TCTN3: variants seen among roughly 807,000 people sequenced by gnomAD.
TCTN3 encodes the protein tectonic-3.
TCTN3 carries 57 observed loss-of-function variants against 71.3 expected under a neutral mutation model. The observed-to-expected ratio is 0.80, with a 90% confidence interval of 0.65 to 1.00. The LOEUF is 1.00. TCTN3 is among the 50% of genes least tolerant of loss of function. The pLI, the probability that TCTN3 is intolerant of heterozygous loss-of-function variation, is 0.00. For synonymous variants in TCTN3, 258 were observed against 267.8 expected (o/e 0.96, Z 0.36); for missense variants, 696 against 719.9 (o/e 0.97, Z 0.38).
In TCTN3 at chr10:95,683,117, A is replaced by G; in HGVS notation, c.1282T>C (p.Ser428Pro). ...AAGAACTACCTGAGCTTGCATCCAG[A>G]TATTGCATTCACTCCAAACTGCACT... ...HEVQFGVNAI[S>P]GCKLRLKKAD... is the part of the protein sequence containing the mutation. The change falls in exon 11 of 14, where the codon TCT (serine) becomes CCT (proline). Residue 428 changes from serine to proline, a missense_variant. By Grantham distance (74) the Ser-to-Pro change is moderately conservative. Transcript: ENST00000371217. 2 of 1,614,052 alleles carry G rather than the reference A, an allele frequency of 1.2e-6. No homozygotes were observed. The highest frequency in any genetic ancestry group is 2.2e-5 in the East Asian group (1 of 44,866).
chr10:95,665,120 G>C (rs936411474), intron 13 of TCTN3, among the ~76,000 whole-genome samples: 7 of 151,990 alleles, frequency 4.6e-5, no homozygotes, highest in Non-Finnish European at 1.0e-4. Flanking sequence ...TTGATTGTTT[G>C]TTTTTAGAGA....
intron 12 of TCTN3, 71 bp downstream of exon 12, chr10:95,682,580 T>C: frequency 6.5e-7 from 1 of 1,533,956 alleles, no homozygotes; most frequent in East Asian, 2.3e-5. Flanking sequence ...AGGCTGGTTT[T>C]AAACTTACTA....
rs745944119 is a variant in TCTN3 at position 95,664,113 on chromosome 10, A to T, written c.1778T>A (p.Ile593Asn). ...AACTCCAAGTAGTAAGAGGCACAGG[A>T]TAAGGATGGGAGAGACTGAGCATTT... ...SQKCSVSPIL[I>N]LCLLLLGVLN... Residue 593 changes from isoleucine to asparagine, a missense_variant, in exon 14 of 14, where the codon ATC (isoleucine) becomes AAC (asparagine). Physicochemically the swap from Ile to Asn is moderately radical, Grantham distance 149. Transcript: ENST00000371217. 1 of 1,614,120 alleles carries T rather than the reference A, an allele frequency of 6.2e-7. No individual in the cohort carries two copies. Among genetic ancestry groups the T allele is most frequent in the Non-Finnish European group, 8.5e-7 (1 of 1,180,014 alleles).
rs1053369129 is a variant in TCTN3, at chr10:95,693,909, AG to A, written c.-11del. On this transcript the variant is annotated 5_prime_UTR_variant, in exon 1 of 14. Coordinates refer to ENST00000371217, the MANE Select transcript of TCTN3 (RefSeq NM_015631.6). ...GCTGTGGGGTGCGCATGGGGCATTCAGGGCCTCCGGGTCCGACGTAGGCCTC... is the reference window on the plus strand; with the variant it reads ...GCTGTGGGGTGCGCATGGGGCATTCAGGCCTCCGGGTCCGACGTAGGCCTC... 41 of 1,551,260 alleles carry A rather than the reference AG, an allele frequency of 2.6e-5. No individual in the cohort carries two copies. Among genetic ancestry groups the A allele is most frequent in the Non-Finnish European group, 3.6e-5 (41 of 1,146,826 alleles).
intron 3 of TCTN3, among the ~76,000 whole-genome samples, chr10:95,689,880 A>T (rs765928091): frequency 6.6e-6 from 1 of 152,236 alleles, no homozygotes; most frequent in Admixed American, 6.5e-5. Flanking sequence ...CAGAGCCAAG[A>T]GTAGATTGCA....
chr10:95,680,733 GAAGAAC>G (rs2139732122), intron 12 of TCTN3, 124 bp from the exon 13 acceptor site: 1 of 1,133,006 alleles, frequency 8.8e-7, no homozygotes, highest in African/African-American at 1.6e-5. Context: ...TAGCTTAGTG[GAAGAAC>G]ACAAAAGTTC....
intron 3 of TCTN3, among the ~76,000 whole-genome samples, chr10:95,688,389 AAAAAAAAG>A (rs1360100204): frequency 2.4e-5 from 1 of 41,726 alleles, no homozygotes; most frequent in Non-Finnish European, 6.6e-5. Flanking sequence ...AAACTCTGTC[AAAAAAAAG>A]AAAAAAAAAA....
In TCTN3 at chr10:95,683,648, G is replaced by A. The variant is rs1371661507; in HGVS notation, c.1096-19C>T. 6.3e-7 allele frequency: 1 copy of A among 1,579,736 alleles called. No homozygotes were observed. On this transcript the variant is annotated intron_variant, in intron 9 of 13. Transcript: ENST00000371217. ...GAAAAGCCTGCAGAAAGAGGGAAGA[G>A]AAGTCAATTATGGAGATAAGCATAC...
intron 6 of TCTN3, among the ~76,000 whole-genome samples, chr10:95,686,823 G>A (rs961092803): frequency 6.6e-6 from 1 of 152,180 alleles, no homozygotes; most frequent in African/African-American, 2.4e-5. Flanking sequence ...ACCCTCGCAA[G>A]CCAATCCCAT....
intron 3 of TCTN3, among the ~76,000 whole-genome samples, chr10:95,692,557 A>C (rs1223394991): frequency 6.7e-6 from 1 of 149,870 alleles, no homozygotes; most frequent in Non-Finnish European, 1.5e-5. Context: ...AAGAGGCAGA[A>C]AGAGGCGTAG....
At position 95,692,698 on chromosome 10, in the gene TCTN3, G is replaced by A. The variant is rs553580372; in HGVS notation, c.499+222C>T. ...CAACCCACCGGCCGCATGCAGCCCA[G>A]GACGGCTTATGAATGCAGCCCAACA... is the stretch of plus-strand genomic sequence containing the variant. On this transcript the variant is annotated intron_variant, in intron 3 of 13. Coordinates refer to ENST00000371217, the MANE Select transcript of TCTN3 (RefSeq NM_015631.6). 1.6e-4 allele frequency among the ~76,000 whole-genome samples: 25 copies of A among 152,198 alleles called. 1 individual carries two copies. In the East Asian group the frequency reaches 4.4e-3, roughly 27 times the overall value.
chr10:95,691,499 A>G (rs1477386056), intron 3 of TCTN3, among the ~76,000 whole-genome samples: 2 of 152,076 alleles, frequency 1.3e-5, no homozygotes, highest in Non-Finnish European at 2.9e-5. Flanking sequence ...CCTTTACCCT[A>G]TTACCATCTA....
intron 8 of TCTN3, 50 bp from the exon 9 acceptor site, chr10:95,684,674 A>C: frequency 6.2e-7 from 1 of 1,603,924 alleles, no homozygotes; most frequent in Non-Finnish European, 8.5e-7. Flanking sequence ...TGGGCCGAAT[A>C]TGTTTAGGAC....
At chr10:95,674,699 A>G (rs1240757714) in intron 13 of TCTN3, among the ~76,000 whole-genome samples, 2 of 152,202 alleles carry the variant, frequency 1.3e-5, no homozygotes, top group South Asian at 2.1e-4. Flanking sequence ...TCTGTATGTT[A>G]TATCTACAAG....
In TCTN3 at chr10:95,684,586, G is replaced by A. The variant is rs747888353; in HGVS notation, c.1008C>T (p.Ile336=). 2.8e-5 allele frequency: 45 copies of A among 1,613,876 alleles called. No homozygotes were observed. The highest frequency in any genetic ancestry group is 2.3e-4 in the South Asian group (21 of 91,082). ...GTCCCAAACTGACAGAAACTTTCTGGATTCCAAAAGTCCCATTGGTCTCTA... is the reference window on the plus strand; with the variant it reads ...GTCCCAAACTGACAGAAACTTTCTGAATTCCAAAAGTCCCATTGGTCTCTA... The part of the protein sequence containing the change: ...YEIETNGTFG[I]QKVSVSLGQT... The change falls in exon 9 of 14, where the codon ATC becomes ATT. Residue 336 remains isoleucine (I), a synonymous_variant. Coordinates refer to ENST00000371217, the MANE Select transcript of TCTN3 (RefSeq NM_015631.6).
intron 3 of TCTN3, among the ~76,000 whole-genome samples, chr10:95,688,772 C>G (rs1250478658): frequency 6.6e-6 from 1 of 152,190 alleles, no homozygotes; most frequent in Non-Finnish European, 1.5e-5. Context: ...TACCGAAACT[C>G]TTGCAGTCAT....
chr10:95,664,608 T>C (rs898379585), intron 13 of TCTN3, among the ~76,000 whole-genome samples: 1 of 152,184 alleles, frequency 6.6e-6, no homozygotes, highest in Non-Finnish European at 1.5e-5. Flanking sequence ...CTTAGGTGCT[T>C]AGCAGCTCTA....
intron 7 of TCTN3, among the ~76,000 whole-genome samples, chr10:95,685,904 C>T (rs868300679): frequency 6.6e-5 from 10 of 152,264 alleles, no homozygotes; most frequent in Middle Eastern, 3.4e-3. Flanking sequence ...CAGTATTCCC[C>T]TTAGAGATTA....
chr10:95,668,465 T>C (rs540213895), intron 13 of TCTN3, among the ~76,000 whole-genome samples: 3 of 152,212 alleles, frequency 2.0e-5, no homozygotes, highest in African/African-American at 7.2e-5. Context: ...ACAGCAATAT[T>C]GGAAACTAGA....
Sources: allele counts gnomAD v4.1 joint callset (sites outside exome capture counted in the v4.1 genomes callset), GRCh38; gene constraint gnomAD v4.1.1; transcripts MANE v1.5; gene names NCBI Gene and HGNC (gene_info 2026-07-23, HGNC 2026-07-21).